FBLN2: variants seen among roughly 807,000 people sequenced by gnomAD.
FBLN2 encodes fibulin-2.
FBLN2 carries 81 observed loss-of-function variants against 123.7 expected under a neutral mutation model. That is an observed-to-expected ratio of 0.65 (90% CI 0.55 to 0.79). FBLN2 has a LOEUF of 0.79. Among genes scored for constraint, FBLN2 ranks in the 30% least tolerant of loss-of-function variants. The pLI, the probability that FBLN2 is intolerant of heterozygous loss-of-function variation, is 0.00. For synonymous variants in FBLN2, 699 were observed against 701.4 expected, an observed-to-expected ratio of 1.00 and a Z score of 0.05; for missense variants, 1,603 against 1,681.3, an observed-to-expected ratio of 0.95 and a Z score of 0.81.
chr3:13,586,664 AT>A (rs539204519), intron 2 of FBLN2, among the ~76,000 whole-genome samples: 19,840 of 124,744 alleles, frequency 0.16, 1,529 homozygotes, highest in African/African-American at 0.27. Flanking sequence ...TGCCCAGCTA[AT>A]TTTTTTTTTT....
intron 2 of FBLN2, among the ~76,000 whole-genome samples, chr3:13,588,741 A>AT (rs1704583477): frequency 6.6e-6 from 1 of 152,250 alleles, no homozygotes. Context: ...TTTTACTTTG[A>AT]TTTTTTATCA....
chr3:13,635,271 C>G (rs34219630), intron 16 of FBLN2, among the ~76,000 whole-genome samples: 15 of 152,164 alleles, frequency 9.9e-5, no homozygotes, highest in African/African-American at 3.6e-4. Flanking sequence ...ACGGGACTTT[C>G]TGGAGGCCTC....
intron 1 of FBLN2, among the ~76,000 whole-genome samples, chr3:13,565,778 G>A (rs1259920928): frequency 6.6e-6 from 1 of 152,204 alleles, no homozygotes; most frequent in Admixed American, 6.5e-5. Context: ...TGGCAGCCCG[G>A]TGACCACCAG....
chr3:13,579,548 C>T (rs748463826), intron 2 of FBLN2, among the ~76,000 whole-genome samples: 4 of 152,226 alleles, frequency 2.6e-5, no homozygotes, highest in African/African-American at 4.8e-5. Flanking sequence ...TAACATAGGA[C>T]GCACAGCGTT....
At position 13,570,917 on chromosome 3, in the gene FBLN2, G is replaced by A; in HGVS notation, c.562G>A (p.Asp188Asn). ...HGNFSDAEEGDPERHYEDPYS... is the reference protein window; with the variant it reads ...HGNFSDAEEGNPERHYEDPYS... The stretch of plus-strand genomic sequence containing the variant: ...GAACTTCTCAGATGCCGAGGAGGGT[G>A]ACCCCGAGCGACACTACGAAGACCC... Residue 188 changes from aspartate to asparagine, a missense_variant, in exon 2 of 18, where the codon GAC becomes AAC. By Grantham distance (23) the Asp-to-Asn change is conservative. Coordinates refer to ENST00000404922, the MANE Select transcript of FBLN2 (RefSeq NM_001004019.2). The A allele has an allele frequency of 6.2e-7, 1 of 1,612,886 alleles. No individual in the cohort carries two copies. The highest frequency in any genetic ancestry group is 1.1e-5 in the South Asian group (1 of 90,932).
At chr3:13,630,445 A>G (rs1706217998) in intron 14 of FBLN2, among the ~76,000 whole-genome samples, 3 of 152,226 alleles carry the variant, frequency 2.0e-5, no homozygotes, top group Admixed American at 2.0e-4. Flanking sequence ...TTTACCTGGC[A>G]CGGTCTTTCC....
At chr3:13,551,957 G>T (rs1437215645) in intron 1 of FBLN2, among the ~76,000 whole-genome samples, 3 of 151,224 alleles carry the variant, frequency 2.0e-5, no homozygotes, top group East Asian at 3.9e-4. Flanking sequence ...TGATCCTCCA[G>T]CCTCAGCCTC....
At chr3:13,619,587 G>A (rs559054893) in intron 7 of FBLN2, 143 bp from the exon 8 acceptor site, 10 of 671,534 alleles carry the variant, frequency 1.5e-5, no homozygotes, top group East Asian at 1.2e-4. Flanking sequence ...CAGGAGTGGC[G>A]TTCCTTGTCT....
At position 13,619,846 on chromosome 3, in the gene FBLN2, G is replaced by T; in HGVS notation, c.2155+15G>T. 6.2e-7 allele frequency: 1 copy of T among 1,604,438 alleles called. No individual in the cohort carries two copies. Among genetic ancestry groups the T allele is most frequent in the Non-Finnish European group, 8.5e-7 (1 of 1,175,288 alleles). On this transcript the variant is annotated intron_variant, in intron 8 of 17. Transcript: ENST00000404922. Reference sequence around the variant, plus strand: ...GTCCTGTGAAGGTGAGTGCCTTGGGGTGCCCTCCTACCTGTGCAAACCTGA... The same window carrying T: ...GTCCTGTGAAGGTGAGTGCCTTGGGTTGCCCTCCTACCTGTGCAAACCTGA...
At position 13,614,860 on chromosome 3, in the gene FBLN2, C is replaced by T. The variant is rs181204099; in HGVS notation, c.1729+696C>T. Among the ~76,000 whole-genome samples, 745 of 149,480 alleles carry T rather than the reference C, an allele frequency of 5.0e-3. 13 individuals carry two copies. Among genetic ancestry groups the T allele is most frequent in the Non-Finnish European group, 4.6e-3 (312 of 67,714 alleles). Reference sequence around the variant, plus strand: ...CCCATCCATTCATTCATTCATCTGTCCATCTGTCCATCTATCCATCTGTCT... The same window carrying T: ...CCCATCCATTCATTCATTCATCTGTTCATCTGTCCATCTATCCATCTGTCT... On this transcript the variant is annotated intron_variant, in intron 5 of 17. Coordinates refer to ENST00000404922, the MANE Select transcript of FBLN2 (RefSeq NM_001004019.2).
At chr3:13,620,454 G>T (rs1705810934) in intron 8 of FBLN2, among the ~76,000 whole-genome samples, 1 of 152,208 alleles carries the variant, frequency 6.6e-6, no homozygotes, top group African/African-American at 2.4e-5. Context: ...GTTCCCAAAT[G>T]AAGGACACTG....
intron 16 of FBLN2, among the ~76,000 whole-genome samples, chr3:13,635,143 A>AGG (rs890861466): frequency 2.6e-5 from 4 of 152,186 alleles, no homozygotes; most frequent in African/African-American, 9.7e-5. Context: ...CTCGCTGCAC[A>AGG]GGGCTGGTGT....
At chr3:13,622,011 C>G (rs979863483) in intron 9 of FBLN2, 96 bp downstream of exon 9, 1 of 1,409,024 alleles carries the variant, frequency 7.1e-7, no homozygotes, top group Admixed American at 2.0e-5. Context: ...AAGGGCCTGC[C>G]CTTTGCATGT....
At chr3:13,614,571 C>T (rs1303842074) in intron 5 of FBLN2, among the ~76,000 whole-genome samples, 1 of 150,916 alleles carries the variant, frequency 6.6e-6, no homozygotes, top group Non-Finnish European at 1.5e-5. Flanking sequence ...TCTATCCCAT[C>T]ATCTGTCCAT....
chr3:13,571,616 A>G lies in FBLN2; in HGVS notation c.1261A>G (p.Thr421Ala). ...VLPHSHVEED[T>A]DPNSVHSIPR... is the part of the protein sequence containing the mutation. ...GCCCCATTCCCACGTGGAGGAGGAC[A>G]CAGACCCCAACTCTGTCCATTCTAT... The change falls in exon 2 of 18, where the codon ACA (threonine) becomes GCA (alanine). Residue 421 changes from threonine to alanine, a missense_variant. Thr to Ala is a moderately conservative substitution (Grantham distance 58). Coordinates refer to ENST00000404922, the MANE Select transcript of FBLN2 (RefSeq NM_001004019.2). 1 of 1,611,108 alleles carries G rather than the reference A, an allele frequency of 6.2e-7. No individual in the cohort carries two copies. The highest frequency in any genetic ancestry group is 8.5e-7 in the Non-Finnish European group (1 of 1,178,548).
At chr3:13,635,759 C>G (rs1706439725) in intron 16 of FBLN2, among the ~76,000 whole-genome samples, 1 of 152,172 alleles carries the variant, frequency 6.6e-6, no homozygotes, top group Non-Finnish European at 1.5e-5. Flanking sequence ...CTCCACTGGG[C>G]ACTGGGGACA....
chr3:13,559,507 C>G (rs1703551708), intron 1 of FBLN2, among the ~76,000 whole-genome samples: 1 of 152,084 alleles, frequency 6.6e-6, no homozygotes, highest in African/African-American at 2.4e-5. Flanking sequence ...TGAGGTGGGT[C>G]TTATAGTCTC....
intron 1 of FBLN2, 103 bp downstream of exon 1, chr3:13,549,311 C>T (rs1416489681): frequency 1.3e-6 from 1 of 773,510 alleles, no homozygotes. Context: ...TCGGCGGACC[C>T]TCGGACGCGC....
chr3:13,588,475 C>T (rs1704575749), intron 2 of FBLN2, among the ~76,000 whole-genome samples: 1 of 152,254 alleles, frequency 6.6e-6, no homozygotes, highest in South Asian at 2.1e-4. Flanking sequence ...GGGCCCCAGC[C>T]TGGCCCTGTG....
Sources: allele counts gnomAD v4.1 joint callset (sites outside exome capture counted in the v4.1 genomes callset), GRCh38; gene constraint gnomAD v4.1.1; transcripts MANE v1.5; gene names NCBI Gene and HGNC (gene_info 2026-07-23, HGNC 2026-07-21).